PSD3: variants seen among roughly 807,000 people sequenced by gnomAD.
The protein encoded by PSD3 is pleckstrin and Sec7 domain containing 3.
In PSD3, 49 loss-of-function variants were observed where a neutral mutation model predicts 105.5. The ratio of observed to expected loss-of-function variants is 0.46; its 90% CI spans 0.37 to 0.59. The LOEUF is 0.59. PSD3 is among the 20% of genes least tolerant of loss of function. The pLI is 0.00. For missense variants in PSD3, 1,561 were observed against 1,263.8 expected (o/e 1.24, Z -3.57); for synonymous variants, 557 against 457.8 (o/e 1.22, Z -2.77).
At chr8:18,927,394 A>G (rs1180151817) in intron 2 of PSD3, among the ~76,000 whole-genome samples, 1 of 152,024 alleles carries the variant, frequency 6.6e-6, no homozygotes, top group African/African-American at 2.4e-5. Context: ...TTGCATTCTT[A>G]GGAGAGACAG....
At chr8:18,734,037 A>G (rs1803968321) in intron 9 of PSD3, 1 of 152,216 alleles carries the variant, frequency 6.6e-6, no homozygotes, top group South Asian at 2.1e-4. Flanking sequence ...ATCCACAGGT[A>G]TTAAAGTCTA....
At chr8:18,557,096 G>C (rs1801127487) in intron 14 of PSD3, among the ~76,000 whole-genome samples, 1 of 152,134 alleles carries the variant, frequency 6.6e-6, no homozygotes, top group East Asian at 1.9e-4. Context: ...TTAGCAATAG[G>C]CTACCCAAAA....
chr8:18,624,473 G>A (rs1362693833), intron 11 of PSD3, among the ~76,000 whole-genome samples: 8 of 137,784 alleles, frequency 5.8e-5, no homozygotes, highest in South Asian at 2.3e-4. Flanking sequence ...AAAATTTCTC[G>A]GGAATTGAAC....
intron 2 of PSD3, among the ~76,000 whole-genome samples, chr8:18,929,652 T>A (rs1288961665): frequency 1.3e-5 from 2 of 152,128 alleles, no homozygotes; most frequent in Non-Finnish European, 2.9e-5. Context: ...CAACTCCACC[T>A]GTCTATATCT....
rs1345854360 is a variant in PSD3 at position 18,560,784 on chromosome 8, A to G, written c.2785-4432T>C. On this transcript the variant is annotated intron_variant, in intron 14 of 15. Transcript: ENST00000327040. ...AAAACAAAGCAATTAAAAAATGGGC[A>G]AAGGACTTTGCTATGGTTTCATTGT... Among the ~76,000 whole-genome samples the G allele has an allele frequency of 3.3e-5, 5 of 152,232 alleles. No homozygotes were observed. The East Asian group carries it at 9.6e-4, about 29-fold the overall frequency.
At chr8:18,813,017 A>C (rs1811828312) in intron 4 of PSD3, among the ~76,000 whole-genome samples, 2 of 152,190 alleles carry the variant, frequency 1.3e-5, no homozygotes, top group Admixed American at 6.5e-5. Context: ...CAGAAAAACC[A>C]GCTACAAAAG....
intron 1 of PSD3, among the ~76,000 whole-genome samples, chr8:19,058,901 G>A (rs1403464044): frequency 6.6e-6 from 1 of 152,142 alleles, no homozygotes; most frequent in African/African-American, 2.4e-5. Context: ...TGGTTTCTGT[G>A]ACCCAGGTGA....
At chr8:18,749,193 G>A (rs1235969176) in intron 9 of PSD3, among the ~76,000 whole-genome samples, 1 of 152,176 alleles carries the variant, frequency 6.6e-6, no homozygotes, top group Non-Finnish European at 1.5e-5. Context: ...AACACATGGA[G>A]TACATTCAAG....
intron 4 of PSD3, among the ~76,000 whole-genome samples, chr8:18,816,193 T>G (rs1360421127): frequency 6.6e-6 from 1 of 152,228 alleles, no homozygotes; most frequent in Non-Finnish European, 1.5e-5. Context: ...AACATATTTT[T>G]ATGAAGAATT....
At chr8:18,688,028 C>T (rs953969984) in intron 9 of PSD3, among the ~76,000 whole-genome samples, 3 of 152,152 alleles carry the variant, frequency 2.0e-5, no homozygotes, top group African/African-American at 7.2e-5. Context: ...CTCTGCCTCC[C>T]AAAGTGCTGG....
intron 4 of PSD3, among the ~76,000 whole-genome samples, chr8:18,865,746 T>C (rs1816884317): frequency 6.6e-6 from 1 of 152,272 alleles, no homozygotes; most frequent in African/African-American, 2.4e-5. Context: ...AACGTGGTCC[T>C]TTACCACTAG....
At chr8:18,781,958 A>G (rs1563260564) in intron 8 of PSD3, among the ~76,000 whole-genome samples, 1 of 151,836 alleles carries the variant, frequency 6.6e-6, no homozygotes, top group Non-Finnish European at 1.5e-5. Flanking sequence ...CTTCTGCTTG[A>G]TCTAGAGTCT....
intron 9 of PSD3, among the ~76,000 whole-genome samples, chr8:18,707,070 T>C (rs1254362903): frequency 6.6e-6 from 1 of 152,188 alleles, no homozygotes; most frequent in Non-Finnish European, 1.5e-5. Flanking sequence ...TCCATGTTCC[T>C]ATTACGCTTA....
chr8:18,809,051 C>T lies in PSD3; in HGVS notation c.1635-4153G>A, dbSNP rs74760707. ...ACGTAAGAAACAGTGAGCCCAGCCT[C>T]GTTCACACTTGATAAAGCCAACTCA... On this transcript the variant is annotated intron_variant, in intron 4 of 15. Transcript: ENST00000327040. Among the ~76,000 whole-genome samples the T allele has an allele frequency of 4.9e-3, 749 of 152,228 alleles. 9 individuals carry two copies. Among genetic ancestry groups the T allele is most frequent in the African/African-American group, 0.017 (715 of 41,544 alleles).
chr8:18,651,838 G>T (rs541064694), intron 10 of PSD3, among the ~76,000 whole-genome samples: 8 of 152,128 alleles, frequency 5.3e-5, no homozygotes, highest in Non-Finnish European at 1.5e-5. Flanking sequence ...GTGACTTCAC[G>T]AACACTGAAT....
chr8:18,691,889 A>G (rs1800991832), intron 9 of PSD3, among the ~76,000 whole-genome samples: 1 of 152,148 alleles, frequency 6.6e-6, no homozygotes, highest in Non-Finnish European at 1.5e-5. Context: ...CATTTTTTCT[A>G]AAAAAAGATT....
chr8:19,015,877 G>A (rs563015350), upstream of PSD3, among the ~76,000 whole-genome samples: 1 of 152,256 alleles, frequency 6.6e-6, no homozygotes, highest in South Asian at 2.1e-4. Context: ...ATTTTTAATT[G>A]GTTTTATCCC....
chr8:18,805,384 T>C (rs544513940), intron 4 of PSD3, among the ~76,000 whole-genome samples: 3 of 152,324 alleles, frequency 2.0e-5, no homozygotes, highest in African/African-American at 7.2e-5. Context: ...CATTTCTACA[T>C]TCAATCAGTA....
chr8:18,784,063 G>C (rs552762946), intron 8 of PSD3, among the ~76,000 whole-genome samples: 9 of 152,138 alleles, frequency 5.9e-5, no homozygotes, highest in African/African-American at 2.2e-4. Context: ...ATTATGTCCA[G>C]AAACATGTTT....
Sources: gnomAD v4.1 joint callset for allele counts (sites outside exome capture counted in the v4.1 genomes callset) on GRCh38, gnomAD v4.1.1 for gene constraint, MANE v1.5 for transcripts, NCBI Gene and HGNC (gene_info 2026-07-23, HGNC 2026-07-21) for gene names.